TAF3: variants seen among roughly 807,000 people sequenced by gnomAD.
TAF3 encodes the protein TATA-box binding protein associated factor 3.
A neutral mutation model predicts 80.6 loss-of-function variants in TAF3; 7 were observed. The ratio of observed to expected loss-of-function variants is 0.09; its 90% CI spans 0.05 to 0.16. The LOEUF (loss-of-function observed/expected upper bound fraction) is 0.16, where lower values mean the gene tolerates loss of function less well. TAF3 is among the 10% of genes least tolerant of loss of function. TAF3 has a pLI of 1.00. For synonymous variants in TAF3, 444 were observed against 446.1 expected, an observed-to-expected ratio of 1.00 and a Z score of 0.06; for missense variants, 921 against 1,140.2, an observed-to-expected ratio of 0.81 and a Z score of 2.77.
chr10:7,943,330 C>T (rs992376222), intron 2 of TAF3, among the ~76,000 whole-genome samples: 3 of 152,130 alleles, frequency 2.0e-5, no homozygotes, highest in African/African-American at 4.8e-5. Context: ...TTAGATGATA[C>T]GTTTGTTTCC....
intron 4 of TAF3, among the ~76,000 whole-genome samples, chr10:7,996,994 G>A (rs1271812575): frequency 2.6e-5 from 4 of 151,864 alleles, no homozygotes; most frequent in East Asian, 3.9e-4. Flanking sequence ...GGGCCCAGCC[G>A]AGGAGAGGGT....
chr10:7,936,979 T>C (rs1418858008), intron 2 of TAF3, among the ~76,000 whole-genome samples: 1 of 152,212 alleles, frequency 6.6e-6, no homozygotes, highest in Non-Finnish European at 1.5e-5. Flanking sequence ...CTTACCAATA[T>C]GCATTTCAGA....
chr10:7,922,116 G>A (rs1408419101), intron 2 of TAF3, among the ~76,000 whole-genome samples: 2 of 152,050 alleles, frequency 1.3e-5, no homozygotes, highest in Non-Finnish European at 2.9e-5. Context: ...ATTCAAACTC[G>A]AAGGAATTTT....
At chr10:7,962,154 C>G (rs779038149) in intron 2 of TAF3, among the ~76,000 whole-genome samples, 1 of 152,148 alleles carries the variant, frequency 6.6e-6, no homozygotes, top group Non-Finnish European at 1.5e-5. Flanking sequence ...CCTGACCAGG[C>G]TCAAAGCTTT....
intron 2 of TAF3, among the ~76,000 whole-genome samples, chr10:7,852,804 C>T (rs775758669): frequency 5.3e-5 from 8 of 152,194 alleles, no homozygotes; most frequent in Non-Finnish European, 1.2e-4. Context: ...AACTTCCTAT[C>T]ATCTACTATT....
At chr10:7,862,066 G>A (rs1336497694) in intron 2 of TAF3, among the ~76,000 whole-genome samples, 2 of 152,070 alleles carry the variant, frequency 1.3e-5, no homozygotes, top group African/African-American at 2.4e-5. Context: ...TGCTACACAT[G>A]CAGTTAAGTT....
In TAF3 at chr10:7,988,275, C is replaced by T. The variant is rs574565306; in HGVS notation, c.2315+10952C>T. Among the ~76,000 whole-genome samples, 5 of 151,952 alleles carry T rather than the reference C, an allele frequency of 3.3e-5. No homozygotes were observed. The East Asian group carries it at 9.7e-4, about 29-fold the overall frequency. On this transcript the variant is annotated intron_variant, in intron 4 of 6. Coordinates refer to ENST00000344293, the MANE Select transcript of TAF3 (RefSeq NM_031923.4). Reference sequence around the variant, plus strand: ...AATAGTCTGGACAACATAGCAAGATCGTGTCTCTACAAAATATTAAAAAGA... The same window carrying T: ...AATAGTCTGGACAACATAGCAAGATTGTGTCTCTACAAAATATTAAAAAGA...
intron 3 of TAF3, among the ~76,000 whole-genome samples, chr10:7,968,102 A>G (rs940248493): frequency 1.3e-5 from 2 of 152,202 alleles, no homozygotes; most frequent in African/African-American, 4.8e-5. Flanking sequence ...ATTTTCCTAC[A>G]AATCTACAGA....
At chr10:7,994,549 G>T (rs779448207) in intron 4 of TAF3, among the ~76,000 whole-genome samples, 9 of 152,102 alleles carry the variant, frequency 5.9e-5, no homozygotes, top group South Asian at 2.1e-4. Context: ...AGGTCTCACT[G>T]TGTTGCCCAG....
intron 2 of TAF3, among the ~76,000 whole-genome samples, chr10:7,939,450 T>C (rs888590193): frequency 2.0e-5 from 3 of 152,092 alleles, no homozygotes; most frequent in African/African-American, 7.2e-5. Flanking sequence ...CCCAAACATT[T>C]TACATGTAGA....
At chr10:7,934,423 C>A (rs1285239592) in intron 2 of TAF3, among the ~76,000 whole-genome samples, 2 of 152,034 alleles carry the variant, frequency 1.3e-5, no homozygotes, top group African/African-American at 4.8e-5. Context: ...TCCTTCCATT[C>A]TTTTATCTTA....
chr10:7,830,190 G>C (rs1836784289), intron 2 of TAF3, among the ~76,000 whole-genome samples: 1 of 152,064 alleles, frequency 6.6e-6, no homozygotes, highest in Non-Finnish European at 1.5e-5. Flanking sequence ...TCTTGAAGCA[G>C]TTCTTGCTGT....
chr10:7,920,233 G>A (rs1195551633), intron 2 of TAF3, among the ~76,000 whole-genome samples: 1 of 151,566 alleles, frequency 6.6e-6, no homozygotes, highest in Non-Finnish European at 1.5e-5. Context: ...CGGCCTGCGC[G>A]ACAAAATTTA....
Position 7,964,709 on chromosome 10 carries a change from C to G in TAF3, c.1199C>G (p.Ala400Gly). The part of the protein sequence containing the change: ...SIDAVIARAC[A>G]EREPDPFEFS... ...GATGCTGTGATTGCACGAGCCTGTG[C>G]TGAGCGAGAGCCAGATCCTTTCGAA... Residue 400 changes from alanine (A) to glycine (G), a missense_variant, in exon 3 of 7, where the codon GCT becomes GGT. Coordinates refer to ENST00000344293, the MANE Select transcript of TAF3 (RefSeq NM_031923.4). The surrounding 1 kb of genome is among the most constrained non-coding windows in gnomAD (Gnocchi z 4.1). The G allele has an allele frequency of 6.2e-7, 1 of 1,614,192 alleles. No individual in the cohort carries two copies. The highest frequency in any genetic ancestry group is 8.5e-7 in the Non-Finnish European group (1 of 1,180,036).
intron 2 of TAF3, among the ~76,000 whole-genome samples, chr10:7,921,469 A>G (rs1837761248): frequency 1.3e-5 from 2 of 152,262 alleles, no homozygotes; most frequent in African/African-American, 2.4e-5. Flanking sequence ...GTGTTTTTCA[A>G]ACTTCAGGTC....
intron 2 of TAF3, among the ~76,000 whole-genome samples, chr10:7,897,086 C>A (rs1165634494): frequency 6.6e-6 from 1 of 152,198 alleles, no homozygotes; most frequent in Non-Finnish European, 1.5e-5. Flanking sequence ...GAATCCCCAA[C>A]TTCTTCTTCT....
At chr10:7,825,345 T>G (rs1836729378) in intron 2 of TAF3, among the ~76,000 whole-genome samples, 1 of 152,310 alleles carries the variant, frequency 6.6e-6, no homozygotes, top group South Asian at 2.1e-4. Flanking sequence ...TATTGTAAAA[T>G]ATACATAACA....
chr10:7,966,022 T>TAA (rs141336740), intron 3 of TAF3, among the ~76,000 whole-genome samples: 2 of 151,948 alleles, frequency 1.3e-5, no homozygotes, highest in East Asian at 1.9e-4. Flanking sequence ...TCTGGCAGCT[T>TAA]AAAAAAAACA....
At chr10:7,863,088 A>T (rs1053976951) in intron 2 of TAF3, among the ~76,000 whole-genome samples, 4 of 152,168 alleles carry the variant, frequency 2.6e-5, no homozygotes, top group African/African-American at 9.7e-5. Context: ...TAGGAGTCTG[A>T]TGTCTTCTGT....
Sources: allele counts gnomAD v4.1 joint callset (sites outside exome capture counted in the v4.1 genomes callset), GRCh38; gene constraint gnomAD v4.1.1; non-coding constraint Gnocchi (gnomAD v3.1); transcripts MANE v1.5; gene names NCBI Gene and HGNC (gene_info 2026-07-23, HGNC 2026-07-21).